Variants in CNTN5 observed in about 807,000 individuals in gnomAD.
The protein encoded by CNTN5 is contactin-5.
A neutral mutation model predicts 129.1 loss-of-function variants in CNTN5; 77 were observed. The ratio of observed to expected loss-of-function variants is 0.60; its 90% confidence interval spans 0.50 to 0.72. The LOEUF is 0.72. CNTN5 is among the 30% of genes least tolerant of loss of function. CNTN5 has a pLI of 0.00. For missense variants in CNTN5, 1,478 were observed against 1,328.8 expected, an observed-to-expected ratio of 1.11 and a Z score of -1.75; for synonymous variants, 509 against 465.6, an observed-to-expected ratio of 1.09 and a Z score of -1.20.
chr11:99,798,142 G>T (rs1156290828), intron 3 of CNTN5, among the ~76,000 whole-genome samples: 1 of 151,922 alleles, frequency 6.6e-6, no homozygotes, highest in African/African-American at 2.4e-5. Context: ...CCTAGTATAT[G>T]TTTTTCCCTC....
In CNTN5 at chr11:99,300,810, G is replaced by A. The variant is rs2510688; in HGVS notation, c.-209-24536G>A. On this transcript the variant is annotated intron_variant, in intron 1 of 24. Transcript: ENST00000524871. ...GAAGAAACAAAAAGGGCAGGTAAAA[G>A]TAACAATAAAGAGATCATAAAAGAC... Among the ~76,000 whole-genome samples, 388 of 151,968 alleles carry A rather than the reference G, an allele frequency of 2.6e-3. 2 individuals are homozygous for A. The highest frequency in any genetic ancestry group is 8.9e-3 in the African/African-American group (370 of 41,488).
At chr11:100,173,165 C>T (rs1167135234) in intron 13 of CNTN5, among the ~76,000 whole-genome samples, 1 of 152,090 alleles carries the variant, frequency 6.6e-6, no homozygotes, top group East Asian at 1.9e-4. Flanking sequence ...CTCTGCTTAT[C>T]CAAATCCTTA....
intron 4 of CNTN5, chr11:99,844,467 T>G (rs1947616056): frequency 3.5e-6 from 1 of 282,684 alleles, no homozygotes; most frequent in Admixed American, 5.1e-5. Flanking sequence ...AATATATTAC[T>G]TTTGCGTGTG....
intron 17 of CNTN5, among the ~76,000 whole-genome samples, chr11:100,266,358 T>C (rs959111010): frequency 6.6e-6 from 1 of 152,126 alleles, no homozygotes; most frequent in Non-Finnish European, 1.5e-5. Context: ...AATGTTTTCT[T>C]TGAAACCAAG....
intron 13 of CNTN5, among the ~76,000 whole-genome samples, chr11:100,148,059 A>C (rs764650832): frequency 1.2e-4 from 19 of 152,148 alleles, no homozygotes; most frequent in Non-Finnish European, 2.6e-4. Context: ...GGTTTAGCCA[A>C]TATTAGTAAC....
In CNTN5 at chr11:99,535,456, A is replaced by G. The variant is rs189729079; in HGVS notation, c.-70-20689A>G. ...AAATTCCATTCCCTTCTTTGGTGCT[A>G]TAGAAAACAAATGGAACCCTCAAAA... is the stretch of plus-strand genomic sequence containing the variant. On this transcript the variant is annotated intron_variant, in intron 2 of 24. Transcript: ENST00000524871. 9.9e-5 allele frequency among the ~76,000 whole-genome samples: 15 copies of G among 152,272 alleles called. No individual in the cohort carries two copies. In the East Asian group the frequency reaches 1.9e-3, roughly 20 times the overall value.
intron 2 of CNTN5, among the ~76,000 whole-genome samples, chr11:99,327,182 C>T (rs1220479082): frequency 6.6e-6 from 1 of 152,084 alleles, no homozygotes; most frequent in Non-Finnish European, 1.5e-5. Context: ...CAAAGAAAGA[C>T]AACCGAACCA....
chr11:99,602,034 C>G (rs1268110067), intron 3 of CNTN5, among the ~76,000 whole-genome samples: 5 of 152,032 alleles, frequency 3.3e-5, no homozygotes, highest in African/African-American at 1.2e-4. Flanking sequence ...ATTACATATA[C>G]AGAGATATGC....
chr11:99,296,514 AC>A (rs1313843349), intron 1 of CNTN5, among the ~76,000 whole-genome samples: 2 of 152,206 alleles, frequency 1.3e-5, no homozygotes, highest in African/African-American at 4.8e-5. Flanking sequence ...CTGTTATACA[AC>A]CAAAAAGCAT....
At chr11:99,275,419 T>C (rs1031990843) in intron 1 of CNTN5, among the ~76,000 whole-genome samples, 1 of 151,662 alleles carries the variant, frequency 6.6e-6, no homozygotes, top group Non-Finnish European at 1.5e-5. Context: ...ATGCAGTGCT[T>C]AGAATAATGC....
At chr11:100,246,697 A>G (rs573336728) in intron 16 of CNTN5, among the ~76,000 whole-genome samples, 1 of 152,160 alleles carries the variant, frequency 6.6e-6, no homozygotes, top group Non-Finnish European at 1.5e-5. Context: ...CCTATTTTTA[A>G]CATAAATTTA....
In CNTN5 at chr11:100,150,047, GA is replaced by G. The variant is rs374438389; in HGVS notation, c.1581-41075del. ...AGGAGAAAAGTACTTGGTGTGGAGA[GA>G]AAACAGTATTATGAAAATATTTAGT... On this transcript the variant is annotated intron_variant, in intron 13 of 24. Coordinates refer to ENST00000524871, the MANE Select transcript of CNTN5 (RefSeq NM_014361.4). Among the ~76,000 whole-genome samples the G allele has an allele frequency of 5.3e-4, 80 of 152,186 alleles. No individual in the cohort carries two copies. In the East Asian group the frequency reaches 0.015, roughly 28 times the overall value.
chr11:99,979,382 A>C (rs879257575), intron 8 of CNTN5, among the ~76,000 whole-genome samples: 19 of 152,334 alleles, frequency 1.2e-4, no homozygotes, highest in Middle Eastern at 3.4e-3. Flanking sequence ...AAAGAAAAAG[A>C]GTTTGTGAAT....
At chr11:99,621,360 T>C (rs1423176414) in intron 3 of CNTN5, among the ~76,000 whole-genome samples, 1 of 152,192 alleles carries the variant, frequency 6.6e-6, no homozygotes, top group Non-Finnish European at 1.5e-5. Flanking sequence ...ACTTGACTGA[T>C]GAATATAACC....
At chr11:99,586,876 C>G (rs1949809616) in intron 3 of CNTN5, among the ~76,000 whole-genome samples, 1 of 152,182 alleles carries the variant, frequency 6.6e-6, no homozygotes, top group Admixed American at 6.5e-5. Context: ...AAAACTCTAA[C>G]TCAGGGCACC....
Position 99,727,312 on chromosome 11 carries a change from C to CAAAAAAAAA in CNTN5, c.56-92218_56-92210dup, listed in dbSNP as rs397936738. Reference sequence around the variant, plus strand: ...TGGGCGACAGAGCGAGACTCCGTCTCAAAAAAAAAAAAAAAAAAAAAATTC... The same window carrying CAAAAAAAAA: ...TGGGCGACAGAGCGAGACTCCGTCTCAAAAAAAAAAAAAAAAAAAAAAAAAAAAAAATTC... On this transcript the variant is annotated intron_variant, in intron 3 of 24. Transcript: ENST00000524871. Among the ~76,000 whole-genome samples, 73 of 24,294 alleles carry CAAAAAAAAA rather than the reference C, an allele frequency of 3.0e-3. 3 individuals are homozygous for CAAAAAAAAA. The highest frequency in any genetic ancestry group is 6.4e-3 in the African/African-American group (41 of 6,424). 15.9% of individuals were successfully genotyped at this position (24,294 alleles called of 152,430 possible). A position where few individuals can be genotyped will look rare whatever the true frequency, so the allele number is the denominator to read the frequency against.
At chr11:99,856,228 T>C (rs7950550) in intron 6 of CNTN5, among the ~76,000 whole-genome samples, 3,138 of 152,266 alleles carry the variant, frequency 0.021, 96 homozygotes, top group African/African-American at 0.071. Context: ...CAGCTGGAAT[T>C]TCTCCCGGTA....
intron 3 of CNTN5, among the ~76,000 whole-genome samples, chr11:99,653,071 T>A (rs892114220): frequency 6.6e-6 from 1 of 152,040 alleles, no homozygotes; most frequent in African/African-American, 2.4e-5. Context: ...ACATCAAATC[T>A]GAATTCACTG....
At chr11:99,206,420 C>A (rs536365211) in intron 1 of CNTN5, among the ~76,000 whole-genome samples, 1 of 152,048 alleles carries the variant, frequency 6.6e-6, no homozygotes, top group Admixed American at 6.6e-5. Flanking sequence ...AAACAAAAAT[C>A]GGCTGCTTTA....
Sources: gnomAD v4.1 joint callset for allele counts (sites outside exome capture counted in the v4.1 genomes callset) on GRCh38, gnomAD v4.1.1 for gene constraint, MANE v1.5 for transcripts, NCBI Gene and HGNC (gene_info 2026-07-23, HGNC 2026-07-21) for gene names.